The following CD300LG variants were observed in gnomAD, a reference collection of about 807,000 sequenced individuals.
CD300LG encodes the protein CMRF35-like molecule 9.
Under a neutral mutation model 31.5 loss-of-function variants are expected in CD300LG, and 29 were observed. The observed-to-expected ratio is 0.92, with a 90% CI of 0.68 to 1.25. CD300LG has a LOEUF of 1.25. CD300LG is among the 50% of genes most tolerant of loss of function. The pLI, the probability that CD300LG is intolerant of heterozygous loss-of-function variation, is 0.00. For synonymous variants in CD300LG, 175 were observed against 177.2 expected (o/e 0.99, Z 0.10); for missense variants, 396 against 417.6 (o/e 0.95, Z 0.45).
intron 2 of CD300LG, among the ~76,000 whole-genome samples, chr17:43,852,475 A>G (rs2046387939): frequency 6.6e-6 from 1 of 152,170 alleles, no homozygotes; most frequent in African/African-American, 2.4e-5. Context: ...TGGCCTCCCA[A>G]AATGCTGAGA....
intron 6 of CD300LG, chr17:43,858,042 C>G (rs2046575234): frequency 6.9e-7 from 1 of 1,440,366 alleles, no homozygotes; most frequent in African/African-American, 1.4e-5. Flanking sequence ...CTCCTGGCCC[C>G]TCCTCCCTCT....
chr17:43,853,902 G>A lies in CD300LG; in HGVS notation c.577G>A (p.Glu193Lys), dbSNP rs267604895. The A allele has an allele frequency of 1.1e-5, 18 of 1,614,002 alleles. No homozygotes were observed. The highest frequency in any genetic ancestry group is 1.0e-4 in the Admixed American group (6 of 60,000). The change falls in exon 4 of 7, where the codon GAA becomes AAA. Residue 193 changes from glutamate to lysine, a missense_variant. By Grantham distance (56) the Glu-to-Lys change is moderately conservative. Coordinates refer to ENST00000317310, the MANE Select transcript of CD300LG (RefSeq NM_145273.4). ...GCCAGGGACTTCCCAGTACGGGCAC[G>A]AAAGGACTTCTCAGTACACAGGAAC... is the stretch of plus-strand genomic sequence containing the variant. ...PLPGTSQYGH[E>K]RTSQYTGTSP...
At chr17:43,852,207 C>CTT (rs761143811) in intron 2 of CD300LG, among the ~76,000 whole-genome samples, 1 of 138,848 alleles carries the variant, frequency 7.2e-6, no homozygotes. Context: ...TTGTTCTTTG[C>CTT]TTTTTTTTTT....
intron 6 of CD300LG, chr17:43,858,382 C>T (rs1275592327): frequency 8.1e-6 from 8 of 990,100 alleles, no homozygotes; most frequent in East Asian, 1.1e-4. Flanking sequence ...CCCCACCTAG[C>T]TCCAGAAGAG....
At position 43,853,868 on chromosome 17, in the gene CD300LG, C is replaced by T. The variant is rs1338360217; in HGVS notation, c.543C>T (p.Ala181=). The T allele has an allele frequency of 6.2e-7, 1 of 1,614,100 alleles. No homozygotes were observed. The highest frequency in any genetic ancestry group is 1.1e-5 in the South Asian group (1 of 91,080). ...TAKQGKTGAE[A]PPLPGTSQYG... is the part of the protein sequence containing the mutation. ...AGCAGGGGAAGACAGGGGCTGAGGCCCCTCCATTGCCAGGGACTTCCCAGT... is the reference window on the plus strand; with the variant it reads ...AGCAGGGGAAGACAGGGGCTGAGGCTCCTCCATTGCCAGGGACTTCCCAGT... The change falls in exon 4 of 7, where the codon GCC becomes GCT. Residue 181 remains alanine, a synonymous_variant. Transcript: ENST00000317310.
intron 1 of CD300LG, 133 bp downstream of exon 1, chr17:43,847,392 GCT>G: frequency 7.4e-5 from 65 of 879,598 alleles, no homozygotes; most frequent in East Asian, 3.6e-4. Context: ...AGCGGGGCGG[GCT>G]GGGGGTGGGG....
rs764628224 is a variant in CD300LG at position 43,848,837 on chromosome 17, G to C, written c.323G>C (p.Gly108Ala). The C allele has an allele frequency of 6.2e-7, 1 of 1,614,124 alleles. No individual in the cohort carries two copies. Among genetic ancestry groups the C allele is most frequent in the South Asian group, 1.1e-5 (1 of 91,078 alleles). ...TLQDAGEYWCGVEKRGPDESL... is the reference protein window; with the variant it reads ...TLQDAGEYWCAVEKRGPDESL... ...CAAGACGCTGGGGAGTACTGGTGTG[G>C]GGTCGAAAAACGGGGCCCCGATGAG... The change falls in exon 2 of 7, where the codon GGG (glycine) becomes GCG (alanine). Residue 108 changes from glycine (G) to alanine (A), a missense_variant. Coordinates refer to ENST00000317310, the MANE Select transcript of CD300LG (RefSeq NM_145273.4).
intron 4 of CD300LG, among the ~76,000 whole-genome samples, chr17:43,854,406 C>A (rs575140460): frequency 6.6e-6 from 1 of 152,308 alleles, no homozygotes; most frequent in African/African-American, 2.4e-5. Context: ...AATTTTTTGC[C>A]TTACAACTGG....
chr17:43,859,948 T>C (rs1237277749), intron 6 of CD300LG, among the ~76,000 whole-genome samples: 1 of 152,178 alleles, frequency 6.6e-6, no homozygotes. Flanking sequence ...GTTGCCCAGG[T>C]TGGTCTCAAA....
At chr17:43,850,452 T>TATTTATTC (rs1555599466) in intron 2 of CD300LG, among the ~76,000 whole-genome samples, 216 of 151,442 alleles carry the variant, frequency 1.4e-3, no homozygotes, top group African/African-American at 4.9e-3. Context: ...TATTTATTTT[T>TATTTATTC]ATTCATTCAT....
At position 43,847,326 on chromosome 17, in the gene CD300LG, T is replaced by G. The variant is rs1264116897; in HGVS notation, c.43+67T>G. On this transcript the variant is annotated intron_variant, in intron 1 of 6. Coordinates refer to ENST00000317310, the MANE Select transcript of CD300LG (RefSeq NM_145273.4). Reference sequence around the variant, plus strand: ...CCTTGTGGTCTGCAGGGAAAGGACCTCTTGACTGACTGATAGCCCCACCCC... The same window carrying G: ...CCTTGTGGTCTGCAGGGAAAGGACCGCTTGACTGACTGATAGCCCCACCCC... 9 of 1,564,236 alleles carry G rather than the reference T, an allele frequency of 5.8e-6. No individual in the cohort carries two copies. In the East Asian group the frequency reaches 2.1e-4, roughly 36 times the overall value.
At chr17:43,857,455 C>T (rs1851111539) in intron 6 of CD300LG, 7 of 1,537,094 alleles carry the variant, frequency 4.6e-6, no homozygotes, top group Non-Finnish European at 6.1e-6. Context: ...TTTCCATCCC[C>T]CCTTTTAGAA....
At chr17:43,861,225 T>A in intron 6 of CD300LG, 1 of 985,338 alleles carries the variant, frequency 1.0e-6, no homozygotes, top group Non-Finnish European at 1.2e-6. Context: ...TCTCCCAGCC[T>A]CTACACAGAG....
intron 2 of CD300LG, 63 bp from the exon 3 acceptor site, chr17:43,852,849 C>T (rs1598394241): frequency 2.2e-6 from 3 of 1,359,244 alleles, no homozygotes; most frequent in Admixed American, 4.0e-5. Flanking sequence ...CAGCTGCTCC[C>T]AAGGAAGGAA....
intron 2 of CD300LG, among the ~76,000 whole-genome samples, chr17:43,850,652 T>G (rs376493894): frequency 1.2e-3 from 163 of 140,580 alleles, no homozygotes; most frequent in African/African-American, 4.3e-3. Context: ...TGGTTTTTTG[T>G]TTTTTTTTTA....
At position 43,853,803 on chromosome 17, in the gene CD300LG, G is replaced by C; in HGVS notation, c.482-4G>C. 1 of 1,611,976 alleles carries C rather than the reference G, an allele frequency of 6.2e-7. No homozygotes were observed. The highest frequency in any genetic ancestry group is 8.5e-7 in the Non-Finnish European group (1 of 1,178,622). On this transcript the variant is annotated splice_region_variant and splice_polypyrimidine_tract_variant and intron_variant, in intron 3 of 6. Transcript: ENST00000317310. ...ATGCTGAGGCATTGCTTTTGGACTT[G>C]TAGCTTCTCCTGGGCTCTACCCGGC...
In CD300LG at chr17:43,848,748, G is replaced by A. The variant is rs2046259374; in HGVS notation, c.234G>A (p.Arg78=). 6.2e-7 allele frequency: 1 copy of A among 1,614,020 alleles called. No homozygotes were observed. The highest frequency in any genetic ancestry group is 1.3e-5 in the African/African-American group (1 of 74,908). The part of the protein sequence containing the change: ...EEEGQETMKG[R]VSIRDSRQEL... The stretch of plus-strand genomic sequence containing the variant: ...AAGGCCAGGAGACAATGAAGGGCAG[G>A]GTGTCCATCCGTGACAGCCGCCAGG... Residue 78 remains arginine, a synonymous_variant, in exon 2 of 7, where the codon AGG becomes AGA. Transcript: ENST00000317310.
intron 6 of CD300LG, 55 bp downstream of exon 6, chr17:43,857,211 C>T (rs1486407615): frequency 2.1e-5 from 34 of 1,599,450 alleles, no homozygotes; most frequent in Non-Finnish European, 2.8e-5. Context: ...GGCTGGAAGT[C>T]AAGATTCCTG....
At chr17:43,847,340 T>A (rs984543710) in intron 1 of CD300LG, 81 bp downstream of exon 1, 5 of 1,463,262 alleles carry the variant, frequency 3.4e-6, no homozygotes, top group Non-Finnish European at 3.7e-6. Context: ...GACTGACTGA[T>A]AGCCCCACCC....
Sources: gnomAD v4.1 joint callset for allele counts (sites outside exome capture counted in the v4.1 genomes callset) on GRCh38, gnomAD v4.1.1 for gene constraint, MANE v1.5 for transcripts, NCBI Gene and HGNC (gene_info 2026-07-23, HGNC 2026-07-21) for gene names.